The following PHF14 variants were observed in gnomAD, a reference collection of about 807,000 sequenced individuals.
The protein encoded by PHF14 is PHD finger protein 14.
PHF14 carries 55 observed loss-of-function variants against 117.9 expected under a neutral mutation model. The observed-to-expected ratio is 0.47, with a 90% confidence interval of 0.38 to 0.58. The LOEUF (loss-of-function observed/expected upper bound fraction) is 0.58, where lower values mean the gene tolerates loss of function less well. Ranked by LOEUF, PHF14 falls within the 20% of genes least tolerant of loss-of-function variation. The pLI, the probability that PHF14 is intolerant of heterozygous loss-of-function variation, is 0.00. For missense variants in PHF14, 978 were observed against 1,122.2 expected (o/e 0.87, Z 1.84); for synonymous variants, 409 against 368.6 (o/e 1.11, Z -1.26).
intron 17 of PHF14, among the ~76,000 whole-genome samples, chr7:11,142,053 A>G (rs1228218851): frequency 6.6e-6 from 1 of 151,964 alleles, no homozygotes; most frequent in Non-Finnish European, 1.5e-5. Flanking sequence ...GGGGTTTTTT[A>G]AATTTCTTAG....
chr7:11,105,978 C>G, intron 16 of PHF14: 1 of 984,888 alleles, frequency 1.0e-6, no homozygotes, highest in Non-Finnish European at 1.2e-6. Context: ...GGTTGTACTG[C>G]TGAAAAATTT....
chr7:10,990,510 G>A (rs990287648), intron 3 of PHF14, among the ~76,000 whole-genome samples, 193 bp from the exon 4 acceptor site: 5 of 152,106 alleles, frequency 3.3e-5, no homozygotes, highest in Non-Finnish European at 5.9e-5. Context: ...GGTGCTTACA[G>A]GGTTCTTTGA....
At chr7:11,104,114 T>C (rs572399048) in intron 16 of PHF14, 3 of 984,974 alleles carry the variant, frequency 3.0e-6, no homozygotes, top group South Asian at 9.4e-5. Context: ...TTGCTTTATT[T>C]TAGGTTTTTT....
intron 1 of PHF14, 90 bp downstream of exon 1, chr7:10,974,414 T>A: frequency 9.0e-7 from 1 of 1,107,274 alleles, no homozygotes; most frequent in East Asian, 2.6e-5. Flanking sequence ...GGTGGGAGAG[T>A]CCTGCGGGAA....
chr7:11,164,169 A>T (rs4719260), intron 17 of PHF14, among the ~76,000 whole-genome samples: 1 of 151,764 alleles, frequency 6.6e-6, no homozygotes, highest in East Asian at 1.9e-4. Context: ...CTGTTGTACC[A>T]CCATGGATGT....
At chr7:11,054,551 C>CTTAA (rs1311676948) in intron 14 of PHF14, among the ~76,000 whole-genome samples, 1 of 151,966 alleles carries the variant, frequency 6.6e-6, no homozygotes, top group African/African-American at 2.4e-5. Context: ...CTGTTGTTAC[C>CTTAA]TTAAGTTTTT....
chr7:10,975,817 A>C (rs7807585), intron 2 of PHF14, among the ~76,000 whole-genome samples: 105,022 of 152,054 alleles, frequency 0.69, 36,832 homozygotes, highest in African/African-American at 0.8. Context: ...TTTTAAATAT[A>C]CTTCCAGAGA....
In PHF14 at chr7:10,982,708, C is replaced by T. The variant is rs1420640619; in HGVS notation, c.449C>T (p.Ala150Val). 1 of 1,610,826 alleles carries T rather than the reference C, an allele frequency of 6.2e-7. No individual in the cohort carries two copies. The highest frequency in any genetic ancestry group is 1.1e-5 in the South Asian group (1 of 90,694). Residue 150 changes from alanine to valine, a missense_variant, in exon 3 of 18, where the codon GCC becomes GTC. Coordinates refer to ENST00000634607, the MANE Select transcript of PHF14 (RefSeq NM_001007157.2). ...VSENVAASAA[A>V]TTPATSPPAV... is the part of the protein sequence containing the mutation. Reference sequence around the variant, plus strand: ...GAGAATGTGGCTGCTTCTGCTGCTGCCACCACACCAGCCACAAGTCCTCCT... The same window carrying T: ...GAGAATGTGGCTGCTTCTGCTGCTGTCACCACACCAGCCACAAGTCCTCCT...
chr7:10,982,535 A>C lies in PHF14; in HGVS notation c.276A>C (p.Ser92=). The change falls in exon 3 of 18, where the codon TCA becomes TCC. Residue 92 remains serine, a synonymous_variant. Transcript: ENST00000634607. ...CTGCAGAGGAAGAAGTACTATCATC[A>C]GAAAAACAATTAATTAAAATGGAAA... ...KNSAEEEVLS[S]EKQLIKMEKK... is the part of the protein sequence containing the mutation. 1.3e-6 allele frequency: 2 copies of C among 1,528,224 alleles called. No individual in the cohort carries two copies. The highest frequency in any genetic ancestry group is 1.8e-6 in the Non-Finnish European group (2 of 1,122,970). The allele number at this position is 1,528,224 out of a possible 1,614,324, so 94.7% of individuals were successfully genotyped here. A position where few individuals can be genotyped will look rare whatever the true frequency, so the allele number is the denominator to read the frequency against.
At chr7:11,099,653 G>A (rs539337147) in intron 16 of PHF14, among the ~76,000 whole-genome samples, 1 of 152,218 alleles carries the variant, frequency 6.6e-6, no homozygotes, top group South Asian at 2.1e-4. Flanking sequence ...TGGAAAGACT[G>A]AGACTCTTAC....
At chr7:11,158,806 A>G (rs915767456) in intron 17 of PHF14, among the ~76,000 whole-genome samples, 3 of 152,128 alleles carry the variant, frequency 2.0e-5, no homozygotes, top group Non-Finnish European at 4.4e-5. Flanking sequence ...ATTAGCCTGA[A>G]GTCCATCTAT....
intron 16 of PHF14, among the ~76,000 whole-genome samples, chr7:11,082,173 G>C (rs1786166673): frequency 6.6e-6 from 1 of 151,686 alleles, no homozygotes; most frequent in Non-Finnish European, 1.5e-5. Flanking sequence ...TCGAGACCTT[G>C]TCTCTAATAA....
chr7:11,105,058 G>C, intron 16 of PHF14: 1 of 902,320 alleles, frequency 1.1e-6, no homozygotes, highest in Non-Finnish European at 1.3e-6. Context: ...CACTGACTAT[G>C]GAAACAGCAC....
intron 16 of PHF14, among the ~76,000 whole-genome samples, chr7:11,067,381 T>G (rs1298906292): frequency 6.6e-6 from 1 of 152,246 alleles, no homozygotes; most frequent in Non-Finnish European, 1.5e-5. Flanking sequence ...AATATAAAAT[T>G]GTGCAGCTAC....
In PHF14 at chr7:11,168,711, T is replaced by A. The variant is rs537619648; in HGVS notation, c.2773-705T>A. Reference sequence around the variant, plus strand: ...CTTGGGTGTGTTGAAAGAACATGTATGATGAGATGGGTTACAAATTGTAAG... The same window carrying A: ...CTTGGGTGTGTTGAAAGAACATGTAAGATGAGATGGGTTACAAATTGTAAG... On this transcript the variant is annotated intron_variant, in intron 17 of 17. Transcript: ENST00000634607. Among the ~76,000 whole-genome samples, 223 of 152,292 alleles carry A rather than the reference T, an allele frequency of 1.5e-3. 2 individuals are homozygous for A. The highest frequency in any genetic ancestry group is 5.0e-3 in the African/African-American group (206 of 41,554).
At chr7:11,071,694 C>T (rs116894722) in intron 16 of PHF14, among the ~76,000 whole-genome samples, 3,009 of 152,300 alleles carry the variant, frequency 0.02, 41 homozygotes, top group Middle Eastern at 0.044. Flanking sequence ...TTTCCAGCGT[C>T]AGGCAACCAC....
intron 16 of PHF14, among the ~76,000 whole-genome samples, chr7:11,092,652 C>T (rs532694413): frequency 5.9e-5 from 9 of 152,096 alleles, no homozygotes; most frequent in Admixed American, 2.0e-4. Context: ...TGCATATGCC[C>T]ACATATCACT....
chr7:10,985,796 G>A (rs1462976309), intron 3 of PHF14, among the ~76,000 whole-genome samples: 1 of 151,650 alleles, frequency 6.6e-6, no homozygotes, highest in Non-Finnish European at 1.5e-5. Context: ...GGGACTACAG[G>A]TGCATGCCAC....
chr7:11,027,234 T>C (rs220094), intron 6 of PHF14, among the ~76,000 whole-genome samples: 97,003 of 151,930 alleles, frequency 0.64, 31,617 homozygotes, highest in Middle Eastern at 0.73. Context: ...TTATCTCTCT[T>C]GCTCAATCTC....
Sources: allele counts gnomAD v4.1 joint callset (sites outside exome capture counted in the v4.1 genomes callset), GRCh38; gene constraint gnomAD v4.1.1; transcripts MANE v1.5; gene names NCBI Gene and HGNC (gene_info 2026-07-23, HGNC 2026-07-21).